PCSK2: variants seen among roughly 807,000 people sequenced by gnomAD.
PCSK2 encodes neuroendocrine convertase 2.
PCSK2 carries 14 observed loss-of-function variants against 69.7 expected under a neutral mutation model. The observed-to-expected ratio is 0.20, with a 90% CI of 0.13 to 0.31. PCSK2 has a LOEUF of 0.31. PCSK2 is among the 10% of genes least tolerant of loss of function. The pLI is 1.00. For synonymous variants in PCSK2, 307 were observed against 320.7 expected (o/e 0.96, Z 0.46); for missense variants, 544 against 842.5 (o/e 0.65, Z 4.39).
At chr20:17,241,735 A>G (rs1986580978) in intron 1 of PCSK2, among the ~76,000 whole-genome samples, 1 of 152,220 alleles carries the variant, frequency 6.6e-6, no homozygotes, top group Non-Finnish European at 1.5e-5. Context: ...CCAGCTAAGA[A>G]CAAAACAATT....
At chr20:17,431,914 G>C (rs1318754147) in intron 7 of PCSK2, among the ~76,000 whole-genome samples, 1 of 152,166 alleles carries the variant, frequency 6.6e-6, no homozygotes, top group Non-Finnish European at 1.5e-5. Flanking sequence ...AGCTTTCTGG[G>C]CTAAGGAGGT....
intron 6 of PCSK2, among the ~76,000 whole-genome samples, chr20:17,417,691 A>G (rs988078188): frequency 5.9e-5 from 9 of 152,222 alleles, no homozygotes; most frequent in Non-Finnish European, 8.8e-5. Flanking sequence ...GAGAATTTGA[A>G]TAAAGCGTCC....
chr20:17,446,903 A>C (rs1172879629), intron 8 of PCSK2, among the ~76,000 whole-genome samples: 1 of 152,204 alleles, frequency 6.6e-6, no homozygotes, highest in Non-Finnish European at 1.5e-5. Flanking sequence ...GCACATAGAT[A>C]ATGAAAATCT....
chr20:17,341,250 A>G (rs955603990), intron 2 of PCSK2, among the ~76,000 whole-genome samples: 14 of 152,222 alleles, frequency 9.2e-5, no homozygotes, highest in African/African-American at 3.1e-4. Flanking sequence ...AAATAAATAA[A>G]TAAAATAAAA....
At chr20:17,236,579 A>G (rs770382984) in intron 1 of PCSK2, among the ~76,000 whole-genome samples, 5 of 152,142 alleles carry the variant, frequency 3.3e-5, no homozygotes, top group Non-Finnish European at 7.4e-5. Context: ...ATAAATATTA[A>G]CCTTCTACTA....
At chr20:17,385,856 G>A (rs1190767669) in intron 5 of PCSK2, among the ~76,000 whole-genome samples, 3 of 152,190 alleles carry the variant, frequency 2.0e-5, no homozygotes, top group Non-Finnish European at 4.4e-5. Context: ...ACATGAAGGA[G>A]AAAGAGTACA....
At chr20:17,376,748 A>G (rs2030939624) in intron 5 of PCSK2, among the ~76,000 whole-genome samples, 1 of 152,238 alleles carries the variant, frequency 6.6e-6, no homozygotes, top group African/African-American at 2.4e-5. Flanking sequence ...CATCACAGTT[A>G]GATCATAAGC....
rs753655282 is a variant in PCSK2 at position 17,268,033 on chromosome 20, G to GTATATATATATATATATATATA, written c.282+7698_282+7719dup. Among the ~76,000 whole-genome samples the GTATATATATATATATATATATA allele has an allele frequency of 2.5e-3, 165 of 65,992 alleles. 3 individuals carry two copies. Among genetic ancestry groups the GTATATATATATATATATATATA allele is most frequent in the Non-Finnish European group, 3.5e-3 (118 of 33,858 alleles). 43.3% of individuals were successfully genotyped at this position (65,992 alleles called of 152,430 possible). The stretch of plus-strand genomic sequence containing the variant: ...GGAAATGCATTTATATATCCAATGT[G>GTATATATATATATATATATATA]TATATATATATATATATATATATAT... On this transcript the variant is annotated intron_variant, in intron 2 of 11. Coordinates refer to ENST00000262545, the MANE Select transcript of PCSK2 (RefSeq NM_002594.5).
chr20:17,463,720 A>C lies in PCSK2; in HGVS notation c.1203-1606A>C, dbSNP rs1383650518. ...GTGTGATGTTCCCCTTCCTGTGTCCAAGTGTGGAACTTGCTTCTTAATAGA... is the reference window on the plus strand; with the variant it reads ...GTGTGATGTTCCCCTTCCTGTGTCCCAGTGTGGAACTTGCTTCTTAATAGA... On this transcript the variant is annotated intron_variant, in intron 10 of 11. Coordinates refer to ENST00000262545, the MANE Select transcript of PCSK2 (RefSeq NM_002594.5). The C allele has an allele frequency of 5.6e-5, 7 of 125,928 alleles. No individual in the cohort carries two copies. The Admixed American group carries it at 7.6e-4, about 14-fold the overall frequency. The allele number at this position is 125,928 out of a possible 1,614,324, so 7.8% of individuals were successfully genotyped here. A position where few individuals can be genotyped will look rare whatever the true frequency, so the allele number is the denominator to read the frequency against.
chr20:17,338,928 G>A (rs189104442), intron 2 of PCSK2, among the ~76,000 whole-genome samples: 91 of 152,294 alleles, frequency 6.0e-4, no homozygotes, highest in African/African-American at 2.1e-3. Flanking sequence ...TAAAATTCAA[G>A]ATAGAACTCT....
chr20:17,239,094 G>C (rs574794432), intron 1 of PCSK2, among the ~76,000 whole-genome samples: 1 of 152,236 alleles, frequency 6.6e-6, no homozygotes, highest in South Asian at 2.1e-4. Context: ...TTCCTTAATT[G>C]CCCTTAATAG....
intron 2 of PCSK2, among the ~76,000 whole-genome samples, chr20:17,318,285 A>C (rs190889636): frequency 1.3e-5 from 2 of 152,312 alleles, no homozygotes; most frequent in Non-Finnish European, 1.5e-5. Context: ...CACTGTTTAG[A>C]GGTTCTGCAG....
Position 17,412,372 on chromosome 20 carries a change from T to G in PCSK2, c.620+3033T>G, listed in dbSNP as rs559707994. On this transcript the variant is annotated intron_variant, in intron 6 of 11. Coordinates refer to ENST00000262545, the MANE Select transcript of PCSK2 (RefSeq NM_002594.5). ...GAGCTGAAAACCATGGCACGAGAACTTCGTGACGCATGCAAAAGCTTCAAT... is the reference window on the plus strand; with the variant it reads ...GAGCTGAAAACCATGGCACGAGAACGTCGTGACGCATGCAAAAGCTTCAAT... Among the ~76,000 whole-genome samples the G allele has an allele frequency of 5.5e-4, 83 of 152,250 alleles. 1 individual carries two copies. The South Asian group carries it at 0.016, about 30-fold the overall frequency.
intron 2 of PCSK2, among the ~76,000 whole-genome samples, chr20:17,347,162 C>T (rs1448304436): frequency 6.6e-6 from 1 of 152,186 alleles, no homozygotes; most frequent in Non-Finnish European, 1.5e-5. Flanking sequence ...ATAATCGTGG[C>T]TTAACTTGGT....
intron 6 of PCSK2, among the ~76,000 whole-genome samples, chr20:17,419,682 G>C (rs923893442): frequency 3.3e-5 from 5 of 152,180 alleles, no homozygotes; most frequent in African/African-American, 1.2e-4. Flanking sequence ...CAAGCTGCCT[G>C]CTGCTCTCAA....
chr20:17,240,267 G>T (rs1047990048), intron 1 of PCSK2, among the ~76,000 whole-genome samples: 1 of 152,020 alleles, frequency 6.6e-6, no homozygotes, highest in African/African-American at 2.4e-5. Context: ...CAAGGGAATG[G>T]ATACAGGGAG....
chr20:17,438,823 A>G (rs2032538552), intron 8 of PCSK2, among the ~76,000 whole-genome samples: 1 of 152,252 alleles, frequency 6.6e-6, no homozygotes, highest in Non-Finnish European at 1.5e-5. Flanking sequence ...GGAGTCTTCA[A>G]TGCAATTTAT....
At chr20:17,336,394 C>T (rs78736414) in intron 2 of PCSK2, among the ~76,000 whole-genome samples, 1,830 of 152,310 alleles carry the variant, frequency 0.012, 35 homozygotes, top group African/African-American at 0.042. Flanking sequence ...AATACCTTCT[C>T]TGGGTCCCTA....
At chr20:17,432,856 C>T (rs1438151647) in intron 7 of PCSK2, among the ~76,000 whole-genome samples, 1 of 152,200 alleles carries the variant, frequency 6.6e-6, no homozygotes, top group African/African-American at 2.4e-5. Context: ...AGCTGGCGGA[C>T]AGGTCCCCTG....
Sources: allele counts gnomAD v4.1 joint callset (sites outside exome capture counted in the v4.1 genomes callset), GRCh38; gene constraint gnomAD v4.1.1; transcripts MANE v1.5; gene names NCBI Gene and HGNC (gene_info 2026-07-23, HGNC 2026-07-21).